The following RANBP9 variants were observed in gnomAD, a reference collection of about 807,000 sequenced individuals.
RANBP9 encodes the protein ran-binding protein 9.
Under a neutral mutation model 84.3 loss-of-function variants are expected in RANBP9, and 15 were observed. The observed-to-expected ratio is 0.18, with a 90% CI of 0.12 to 0.27. The LOEUF (loss-of-function observed/expected upper bound fraction) is 0.27. Ranked by LOEUF, RANBP9 falls within the 10% of genes least tolerant of loss-of-function variation. The pLI is 1.00. For missense variants in RANBP9, 809 were observed against 912.8 expected, an observed-to-expected ratio of 0.89 and a Z score of 1.46; for synonymous variants, 392 against 349.6, an observed-to-expected ratio of 1.12 and a Z score of -1.35.
Position 13,711,672 on chromosome 6 carries a change from G to T in RANBP9, c.-167C>A. ...GGAGACCGCGGCGGTTGAGGAGCTC[G>T]GAGACGCGGGAGTAGGCGGCGGGCC... is the stretch of plus-strand genomic sequence containing the variant. On this transcript the variant is annotated 5_prime_UTR_variant, in exon 1 of 14. Transcript: ENST00000011619. The T allele has an allele frequency of 2.2e-6, 1 of 454,746 alleles. No homozygotes were observed. 28.2% of individuals were successfully genotyped at this position (454,746 alleles called of 1,614,324 possible).
intron 1 of RANBP9, among the ~76,000 whole-genome samples, chr6:13,707,847 A>G (rs938251400): frequency 6.6e-6 from 1 of 152,270 alleles, no homozygotes. Context: ...CGTTATCATT[A>G]TAACTAAGTC....
chr6:13,656,662 T>G (rs1765407724), intron 4 of RANBP9, among the ~76,000 whole-genome samples: 1 of 152,224 alleles, frequency 6.6e-6, no homozygotes, highest in South Asian at 2.1e-4. Context: ...TTAGCAGATC[T>G]GACCTTTGAG....
At chr6:13,692,874 T>C (rs924356418) in intron 2 of RANBP9, among the ~76,000 whole-genome samples, 3 of 152,076 alleles carry the variant, frequency 2.0e-5, no homozygotes, top group Non-Finnish European at 4.4e-5. Context: ...AACAAAAAAA[T>C]AGTTTTCTCC....
intron 4 of RANBP9, among the ~76,000 whole-genome samples, chr6:13,655,243 G>A (rs1266912240): frequency 6.6e-6 from 1 of 152,182 alleles, no homozygotes; most frequent in Non-Finnish European, 1.5e-5. Context: ...AGGCTGAGGC[G>A]GGTGTATCAC....
chr6:13,645,419 T>C (rs1340278193), intron 5 of RANBP9, among the ~76,000 whole-genome samples: 2 of 152,142 alleles, frequency 1.3e-5, no homozygotes, highest in Non-Finnish European at 2.9e-5. Flanking sequence ...GGTTTCAAGG[T>C]TAATCAAGAT....
At chr6:13,671,476 G>A (rs1765777133) in intron 2 of RANBP9, among the ~76,000 whole-genome samples, 1 of 152,132 alleles carries the variant, frequency 6.6e-6, no homozygotes, top group Admixed American at 6.5e-5. Flanking sequence ...ATTGATATAT[G>A]ATACAGCATA....
At chr6:13,678,733 A>C (rs1386384830) in intron 2 of RANBP9, among the ~76,000 whole-genome samples, 1 of 151,954 alleles carries the variant, frequency 6.6e-6, no homozygotes. Context: ...TTCCTGACTA[A>C]AACCTGGTGC....
At chr6:13,633,852 G>A (rs1001281319) in intron 11 of RANBP9, among the ~76,000 whole-genome samples, 1 of 152,144 alleles carries the variant, frequency 6.6e-6, no homozygotes, top group South Asian at 2.1e-4. Context: ...ATAGTTTGCT[G>A]ATGGGACAGG....
intron 2 of RANBP9, among the ~76,000 whole-genome samples, chr6:13,691,376 T>G (rs1766318845): frequency 6.6e-6 from 1 of 152,162 alleles, no homozygotes; most frequent in Non-Finnish European, 1.5e-5. Context: ...GGAACTTTCT[T>G]CAGGTCTCAT....
rs544168488 is a variant in RANBP9 at position 13,673,400 on chromosome 6, G to A, written c.684-14568C>T. ...ACTTGCCTTGCAAGAAATGTTACAC[G>A]TTCTTCAGAGAAAAGGAAAATGATA... On this transcript the variant is annotated intron_variant, in intron 2 of 13. Transcript: ENST00000011619. 2.6e-5 allele frequency among the ~76,000 whole-genome samples: 4 copies of A among 152,316 alleles called. No individual in the cohort carries two copies. In the South Asian group the frequency reaches 6.2e-4, roughly 24 times the overall value.
intron 5 of RANBP9, among the ~76,000 whole-genome samples, chr6:13,648,221 T>A (rs35286235): frequency 6.9e-6 from 1 of 143,904 alleles, no homozygotes; most frequent in African/African-American, 2.5e-5. Context: ...ATAATCTCGG[T>A]TCACTGCAAC....
chr6:13,638,457 GA>G (rs1764989464), intron 9 of RANBP9, among the ~76,000 whole-genome samples: 1 of 152,120 alleles, frequency 6.6e-6, no homozygotes, highest in Non-Finnish European at 1.5e-5. Flanking sequence ...ACTTGTTTAA[GA>G]ATGTTAAATG....
At chr6:13,649,111 G>C (rs1584922192) in intron 5 of RANBP9, among the ~76,000 whole-genome samples, 1 of 152,314 alleles carries the variant, frequency 6.6e-6, no homozygotes, top group South Asian at 2.1e-4. Flanking sequence ...GCTTGTGAGA[G>C]ATCACAGGTA....
At chr6:13,686,538 G>A (rs991417933) in intron 2 of RANBP9, among the ~76,000 whole-genome samples, 2 of 151,906 alleles carry the variant, frequency 1.3e-5, no homozygotes, top group African/African-American at 4.8e-5. Flanking sequence ...ACCCACCTCA[G>A]CCTCCCAAAG....
chr6:13,626,453 C>T (rs966958010), intron 12 of RANBP9, among the ~76,000 whole-genome samples: 1 of 152,182 alleles, frequency 6.6e-6, no homozygotes, highest in Non-Finnish European at 1.5e-5. Flanking sequence ...TGGCAATTGA[C>T]AATCTAAGTG....
intron 12 of RANBP9, among the ~76,000 whole-genome samples, chr6:13,629,284 T>C (rs7752078): frequency 0.01 from 1,542 of 152,190 alleles, 14 homozygotes; most frequent in African/African-American, 0.035. Flanking sequence ...CCTCGTGTAG[T>C]TATTTAAAAA....
intron 2 of RANBP9, among the ~76,000 whole-genome samples, chr6:13,691,678 GT>G (rs1766325002): frequency 1.3e-5 from 2 of 151,702 alleles, no homozygotes; most frequent in Non-Finnish European, 2.9e-5. Context: ...ATGTTTGTTT[GT>G]TTTTGAGACT....
chr6:13,711,122 G>T lies in RANBP9; in HGVS notation c.384C>A (p.Ser128Arg). The change falls in exon 1 of 14, where the codon AGC becomes AGA. Residue 128 changes from serine to arginine, a missense_variant. Physicochemically the swap from Ser to Arg is moderately radical, Grantham distance 110. This residue lies in a region of RANBP9 where 302 missense variants were observed against 240.1 expected (regional missense o/e 1.26). Transcript: ENST00000011619. The stretch of plus-strand genomic sequence containing the variant: ...CCCCGTGAGGGAAGGGGGCCGCGGC[G>T]CTGCTGCCCGCCACCAGAGCTGGGG... ...APTPALVAGSSAAAPFPHGDS... is the reference protein window; with the variant it reads ...APTPALVAGSRAAAPFPHGDS... 6.5e-7 allele frequency: 1 copy of T among 1,545,418 alleles called. No homozygotes were observed. The highest frequency in any genetic ancestry group is 8.7e-7 in the Non-Finnish European group (1 of 1,146,658).
intron 4 of RANBP9, among the ~76,000 whole-genome samples, chr6:13,656,006 C>T (rs1366383739): frequency 6.6e-6 from 1 of 152,052 alleles, no homozygotes; most frequent in East Asian, 1.9e-4. Context: ...TCAGATAATA[C>T]AGAAGGACTT....
Sources: allele counts gnomAD v4.1 joint callset (sites outside exome capture counted in the v4.1 genomes callset), GRCh38; gene constraint gnomAD v4.1.1; regional missense constraint gnomAD v4.1.1; transcripts MANE v1.5; gene names NCBI Gene and HGNC (gene_info 2026-07-23, HGNC 2026-07-21).